Variants in CLSPN observed in about 807,000 individuals in gnomAD.
CLSPN encodes claspin homolog.
CLSPN carries 85 observed loss-of-function variants against 156.3 expected under a neutral mutation model. The observed-to-expected ratio is 0.54, with a 90% CI of 0.46 to 0.65. The LOEUF is 0.65. CLSPN is among the 30% of genes least tolerant of loss of function. The pLI, the probability that CLSPN is intolerant of heterozygous loss-of-function variation, is 0.00. For synonymous variants in CLSPN, 534 were observed against 542.4 expected (o/e 0.98, Z 0.22); for missense variants, 1,407 against 1,554.9 (o/e 0.90, Z 1.60).
chr1:35,741,973 C>CA (rs767602385), intron 18 of CLSPN, among the ~76,000 whole-genome samples: 38,975 of 55,734 alleles, frequency 0.7, 17,265 homozygotes, highest in Non-Finnish European at 0.84. Flanking sequence ...GACTCCGTCT[C>CA]AAAAAAAAAA....
intron 8 of CLSPN, among the ~76,000 whole-genome samples, chr1:35,758,937 T>G (rs1642384733): frequency 6.6e-6 from 1 of 152,114 alleles, no homozygotes; most frequent in African/African-American, 2.4e-5. Context: ...TCTGGCTTTC[T>G]TCTCTTTTTT....
Position 35,768,852 on chromosome 1 carries a change from G to T in CLSPN, c.24+995C>A, listed in dbSNP as rs370754432. 2.0e-5 allele frequency among the ~76,000 whole-genome samples: 3 copies of T among 152,254 alleles called. No individual in the cohort carries two copies. In the East Asian group the frequency reaches 5.8e-4, roughly 29 times the overall value. On this transcript the variant is annotated intron_variant, in intron 1 of 24. Transcript: ENST00000318121. ...TATCTTCTAGGCAATTTGCAGCAAC[G>T]TCAAAGGGCAGGGCCAGTAACAGGG...
intron 9 of CLSPN, 147 bp downstream of exon 9, chr1:35,753,598 A>G (rs1194712312): frequency 1.5e-6 from 1 of 683,614 alleles, no homozygotes; most frequent in African/African-American, 1.8e-5. Context: ...TAGGTGTGCT[A>G]CACGTGAATC....
rs538138321 is a variant in CLSPN at position 35,754,312 on chromosome 1, G to T, written c.1580-376C>A. ...AGGGCTTAATTTTTCATGGGTTTTG[G>T]TCTCCTTTTAAAATTCCCTATTTGT... On this transcript the variant is annotated intron_variant, in intron 8 of 24. Transcript: ENST00000318121. 5.3e-5 allele frequency among the ~76,000 whole-genome samples: 8 copies of T among 152,110 alleles called. No homozygotes were observed. In the East Asian group the frequency reaches 9.6e-4, roughly 18 times the overall value.
intron 18 of CLSPN, among the ~76,000 whole-genome samples, chr1:35,742,468 TCTC>T (rs1429676371): frequency 6.6e-6 from 1 of 151,882 alleles, no homozygotes; most frequent in African/African-American, 2.4e-5. Context: ...TTCAAGCAAT[TCTC>T]CTGCCTCAGC....
intron 9 of CLSPN, 28 bp downstream of exon 9, chr1:35,753,717 A>G (rs1168882607): frequency 6.3e-7 from 1 of 1,583,762 alleles, no homozygotes; most frequent in South Asian, 1.1e-5. Context: ...AGCAAAAAGC[A>G]AAAAACAAAA....
chr1:35,769,587 T>C (rs945945442), intron 1 of CLSPN, among the ~76,000 whole-genome samples: 1 of 152,158 alleles, frequency 6.6e-6, no homozygotes, highest in African/African-American at 2.4e-5. Flanking sequence ...GGGGCTGGGC[T>C]GCCGGCAGTG....
chr1:35,749,883 T>G, intron 10 of CLSPN, 72 bp from the exon 11 acceptor site: 1 of 1,510,752 alleles, frequency 6.6e-7, no homozygotes, highest in Admixed American at 2.2e-5. Flanking sequence ...ACTGGTAGCC[T>G]GAAATATGGC....
At chr1:35,765,466 T>C (rs1642639330) in intron 1 of CLSPN, 140 bp from the exon 2 acceptor site, 2 of 570,170 alleles carry the variant, frequency 3.5e-6, no homozygotes, top group Non-Finnish European at 6.1e-6. Context: ...AGGGATGACA[T>C]TTAGAATTAC....
intron 12 of CLSPN, 83 bp from the exon 13 acceptor site, chr1:35,748,687 T>C: frequency 8.4e-7 from 1 of 1,189,052 alleles, no homozygotes; most frequent in African/African-American, 1.5e-5. Context: ...AGGATGAAAC[T>C]GTCAGATAAA....
chr1:35,754,025 CAATT>C, intron 8 of CLSPN, 89 bp from the exon 9 acceptor site: 1 of 1,185,438 alleles, frequency 8.4e-7, no homozygotes. Flanking sequence ...TTTAGCTCAA[CAATT>C]ATGAGGGAAA....
At chr1:35,767,124 A>C (rs1642705660) in intron 1 of CLSPN, among the ~76,000 whole-genome samples, 2 of 152,210 alleles carry the variant, frequency 1.3e-5, no homozygotes, top group Non-Finnish European at 2.9e-5. Context: ...ATGCATATAT[A>C]CACATATATA....
rs1349701974 is a variant in CLSPN, at chr1:35,747,924, T to G, written c.2610A>C (p.Gln870His). The G allele has an allele frequency of 1.2e-6, 2 of 1,613,824 alleles. No individual in the cohort carries two copies. Among genetic ancestry groups the G allele is most frequent in the East Asian group, 2.2e-5 (1 of 44,900 alleles). ...QFCLEDDTQS[Q>H]LLDADGFLNV... ...CTACCTACCCATCTGCATCCAACAG[T>G]TGGCTCTGAGTGTCATCTTCTAAAC... The change falls in exon 14 of 25, where the codon CAA becomes CAC. Residue 870 changes from glutamine (Q) to histidine (H), a missense_variant. Coordinates refer to ENST00000318121, the MANE Select transcript of CLSPN (RefSeq NM_022111.4).
chr1:35,762,390 G>A lies in CLSPN; in HGVS notation c.822+14C>T. On this transcript the variant is annotated intron_variant, in intron 5 of 24. Transcript: ENST00000318121. ...AAGAGATCAGTGTGACTAATATACA[G>A]GGCTCTACCTCACCTTCCTCGTGGT... The A allele has an allele frequency of 6.2e-7, 1 of 1,602,028 alleles. No homozygotes were observed. Among genetic ancestry groups the A allele is most frequent in the Non-Finnish European group, 8.6e-7 (1 of 1,169,174 alleles).
At position 35,762,400 on chromosome 1, in the gene CLSPN, T is replaced by A. The variant is rs374454625; in HGVS notation, c.822+4A>T. 6 of 1,611,524 alleles carry A rather than the reference T, an allele frequency of 3.7e-6. No individual in the cohort carries two copies. Among genetic ancestry groups the A allele is most frequent in the Non-Finnish European group, 5.1e-6 (6 of 1,177,686 alleles). Reference sequence around the variant, plus strand: ...TGTGACTAATATACAGGGCTCTACCTCACCTTCCTCGTGGTTCCTTTTGAT... The same window carrying A: ...TGTGACTAATATACAGGGCTCTACCACACCTTCCTCGTGGTTCCTTTTGAT... On this transcript the variant is annotated splice_donor_region_variant and intron_variant, in intron 5 of 24. Transcript: ENST00000318121.
intron 24 of CLSPN, among the ~76,000 whole-genome samples, chr1:35,723,901 G>A (rs933150109): frequency 2.0e-5 from 3 of 152,206 alleles, no homozygotes; most frequent in Non-Finnish European, 4.4e-5. Flanking sequence ...TGAGGCACGA[G>A]AACTGCTTGA....
intron 9 of CLSPN, 67 bp downstream of exon 9, chr1:35,753,678 A>G: frequency 2.8e-6 from 4 of 1,431,428 alleles, no homozygotes; most frequent in Non-Finnish European, 3.9e-6. Context: ...TAAGGTTTTC[A>G]ATAGCCTTGA....
In CLSPN at chr1:35,751,309, C is replaced by A; in HGVS notation, c.1969G>T (p.Glu657Ter). 1 of 1,589,596 alleles carries A rather than the reference C, an allele frequency of 6.3e-7. No individual in the cohort carries two copies. Among genetic ancestry groups the A allele is most frequent in the Non-Finnish European group, 8.6e-7 (1 of 1,166,626 alleles). The change falls in exon 10 of 25, where the codon GAA becomes TAA. Residue 657 changes from glutamate (E) to a stop codon, truncating the protein, a stop_gained. Coordinates refer to ENST00000318121, the MANE Select transcript of CLSPN (RefSeq NM_022111.4). LOFTEE classifies it high-confidence loss of function. ...TTCTCCTCCTCTTCCTCTAGTTCTT[C>A]CTCTTTCTCTTCTTTCTCTACCTTC... ...EEKVEKEEKE[E>*]ELEEEEEKEE...
At chr1:35,759,101 T>C (rs1465367199) in intron 8 of CLSPN, among the ~76,000 whole-genome samples, 9 of 152,238 alleles carry the variant, frequency 5.9e-5, no homozygotes, top group African/African-American at 2.2e-4. Context: ...TCCAGCTCTA[T>C]CTAAGAGTCA....
Sources: allele counts gnomAD v4.1 joint callset (sites outside exome capture counted in the v4.1 genomes callset), GRCh38; gene constraint gnomAD v4.1.1; transcripts MANE v1.5; gene names NCBI Gene and HGNC (gene_info 2026-07-23, HGNC 2026-07-21).